The following SV2C variants were observed in gnomAD, a reference collection of about 807,000 sequenced individuals.
SV2C encodes synaptic vesicle glycoprotein 2C, also known as solute carrier family 22 member B3.
In SV2C, 49 loss-of-function variants were observed where a neutral mutation model predicts 79.7. The ratio of observed to expected loss-of-function variants is 0.61; its 90% CI spans 0.49 to 0.78. The LOEUF (loss-of-function observed/expected upper bound fraction) is 0.78, where lower values mean the gene tolerates loss of function less well. SV2C is among the 30% of genes least tolerant of loss of function. The pLI is 0.00. For missense variants in SV2C, 833 were observed against 912.9 expected (o/e 0.91, Z 1.13); for synonymous variants, 334 against 333.2 (o/e 1.00, Z -0.03).
chr5:76,350,777 A>G (rs1034803573), intron 12 of SV2C, among the ~76,000 whole-genome samples: 3 of 152,218 alleles, frequency 2.0e-5, no homozygotes, highest in Non-Finnish European at 4.4e-5. Flanking sequence ...GCACTTTGGG[A>G]GGCCGAGGAA....
At chr5:76,082,345 T>G (rs1172965963), upstream of SV2C, 1 of 152,210 alleles carries the variant, frequency 6.6e-6, no homozygotes, top group African/African-American at 2.4e-5. Context: ...CGAGTTTCTC[T>G]CCAGCCGCCT....
In SV2C at chr5:76,126,024, C is replaced by T. The variant is rs74487840; in HGVS notation, c.-101-5626C>T. ...GTGAGTCATGATCATGCCACTGCTG[C>T]CTGGGTGGGAGAGTGAGGCCCTGTC... On this transcript the variant is annotated intron_variant, in intron 1 of 12. Transcript: ENST00000502798. 9.3e-4 allele frequency among the ~76,000 whole-genome samples: 141 copies of T among 152,216 alleles called. No homozygotes were observed. The East Asian group carries it at 0.026, about 28-fold the overall frequency.
At chr5:76,010,506 A>G in the SV2C span, among the ~76,000 whole-genome samples, 2 of 152,154 alleles carry the variant, frequency 1.3e-5, no homozygotes, top group East Asian at 3.9e-4. Flanking sequence ...GAGCTCCAAA[A>G]TTCTCTGAAG....
At chr5:76,139,843 AGCTCTTG>A in intron 2 of SV2C, among the ~76,000 whole-genome samples, 1 of 72,664 alleles carries the variant, frequency 1.4e-5, no homozygotes. Context: ...CATTTTTAGA[AGCTCTTG>A]AAAGTATTTT....
chr5:75,877,621 A>G, the SV2C span, among the ~76,000 whole-genome samples: 34,866 of 149,818 alleles, frequency 0.23, 7,521 homozygotes, highest in African/African-American at 0.58. Flanking sequence ...AATCAAATTG[A>G]AAAACTCACA....
the SV2C span, among the ~76,000 whole-genome samples, chr5:75,880,260 A>C: frequency 0.19 from 29,126 of 151,920 alleles, 4,515 homozygotes; most frequent in African/African-American, 0.44. Flanking sequence ...CTACCAAGAT[A>C]CATTTGGATT....
rs530707710 is a variant in SV2C at position 76,294,289 on chromosome 5, A to G, written c.1338-1489A>G. Among the ~76,000 whole-genome samples the G allele has an allele frequency of 1.8e-4, 27 of 147,368 alleles. No homozygotes were observed. The South Asian group carries it at 5.4e-3, about 29-fold the overall frequency. ...TAATTTTAATACTACATTTTGTTTC[A>G]TTCATTCTCTCTCTCTTTTTTTTTT... On this transcript the variant is annotated intron_variant, in intron 8 of 12. Transcript: ENST00000502798.
Position 76,196,222 on chromosome 5 carries a change from T to C in SV2C, c.761+1123T>C. ...CTCCTATGCTACATTCTGCACACAA[T>C]GAGCACTTAGCAAATACTTGACTAA... On this transcript the variant is annotated intron_variant, in intron 3 of 12. Coordinates refer to ENST00000502798, the MANE Select transcript of SV2C (RefSeq NM_014979.4). 1.3e-5 allele frequency among the ~76,000 whole-genome samples: 2 copies of C among 152,220 alleles called. 1 individual carries two copies. Among genetic ancestry groups the C allele is most frequent in the African/African-American group, 4.8e-5 (2 of 41,458 alleles).
intron 2 of SV2C, among the ~76,000 whole-genome samples, chr5:76,169,613 T>C (rs986217382): frequency 3.3e-5 from 5 of 152,210 alleles, no homozygotes; most frequent in African/African-American, 1.2e-4. Context: ...AACAAAAGCT[T>C]GGGTAAATCC....
chr5:75,979,046 C>T, the SV2C span, among the ~76,000 whole-genome samples: 1 of 152,076 alleles, frequency 6.6e-6, no homozygotes, highest in Admixed American at 6.6e-5. Flanking sequence ...GGAAAATCTA[C>T]CAAGCAAATG....
At chr5:75,856,512 G>T in the SV2C span, among the ~76,000 whole-genome samples, 1 of 152,150 alleles carries the variant, frequency 6.6e-6, no homozygotes, top group Non-Finnish European at 1.5e-5. Context: ...ACATCTCATT[G>T]TAGTTTTGAT....
intron 4 of SV2C, among the ~76,000 whole-genome samples, chr5:76,280,630 G>C (rs4613682): frequency 0.17 from 25,806 of 152,148 alleles, 2,521 homozygotes; most frequent in African/African-American, 0.26. Flanking sequence ...CAAGCAAAAG[G>C]AGGGAGCCTG....
intron 3 of SV2C, among the ~76,000 whole-genome samples, chr5:76,202,673 A>G (rs1223783687): frequency 2.0e-5 from 3 of 152,264 alleles, no homozygotes; most frequent in African/African-American, 7.2e-5. Flanking sequence ...CAAAAATAAT[A>G]TAAAACCCAA....
chr5:76,081,510 T>G (rs1377068279), upstream of SV2C, among the ~76,000 whole-genome samples: 1 of 152,100 alleles, frequency 6.6e-6, no homozygotes, highest in Non-Finnish European at 1.5e-5. Flanking sequence ...CCTAAATAAT[T>G]ATTTAAATTA....
At chr5:75,919,427 C>G in the SV2C span, among the ~76,000 whole-genome samples, 1 of 152,138 alleles carries the variant, frequency 6.6e-6, no homozygotes, top group Admixed American at 6.5e-5. Flanking sequence ...CTGTCTTCAT[C>G]AATATAACTT....
chr5:76,319,334 T>A (rs1367827052), intron 12 of SV2C, among the ~76,000 whole-genome samples: 1 of 151,446 alleles, frequency 6.6e-6, no homozygotes, highest in Non-Finnish European at 1.5e-5. Context: ...GGGAAAATCA[T>A]CTGAGCCCAG....
the SV2C span, among the ~76,000 whole-genome samples, chr5:76,036,454 T>G: frequency 3.3e-5 from 5 of 152,146 alleles, no homozygotes; most frequent in Admixed American, 3.3e-4. Context: ...TGACAAAATC[T>G]CTCAGCATTT....
chr5:76,285,368 G>A (rs1202656596), intron 5 of SV2C, 73 bp downstream of exon 5: 1 of 1,579,090 alleles, frequency 6.3e-7, no homozygotes, highest in Non-Finnish European at 8.6e-7. Flanking sequence ...TTCTAGGAAA[G>A]CACATTTGCC....
chr5:76,296,776 T>A (rs1363973437), intron 9 of SV2C, among the ~76,000 whole-genome samples: 1 of 152,186 alleles, frequency 6.6e-6, no homozygotes, highest in African/African-American at 2.4e-5. Context: ...ATGCTTATGA[T>A]CTATGTAATG....
Sources: gnomAD v4.1 joint callset for allele counts (sites outside exome capture counted in the v4.1 genomes callset) on GRCh38, gnomAD v4.1.1 for gene constraint, MANE v1.5 for transcripts, NCBI Gene and HGNC (gene_info 2026-07-23, HGNC 2026-07-21) for gene names.